ADGRL2: variants seen among roughly 807,000 people sequenced by gnomAD.
ADGRL2 encodes calcium-independent alpha-latrotoxin receptor 2.
In ADGRL2, 44 loss-of-function variants were observed where a neutral mutation model predicts 157.4. That is an observed-to-expected ratio of 0.28 (90% CI 0.22 to 0.36). The LOEUF (loss-of-function observed/expected upper bound fraction) is 0.36. ADGRL2 is among the 10% of genes least tolerant of loss of function. ADGRL2 has a pLI of 1.00. For missense variants in ADGRL2, 1,510 were observed against 1,768.9 expected (o/e 0.85, Z 2.63); for synonymous variants, 585 against 624.7 (o/e 0.94, Z 0.95).
chr1:81,990,951 C>T lies in ADGRL2; in HGVS notation c.4216C>T (p.Pro1406Ser). 1 of 1,614,062 alleles carries T rather than the reference C, an allele frequency of 6.2e-7. No homozygotes were observed. The highest frequency in any genetic ancestry group is 2.2e-5 in the East Asian group (1 of 44,858). ...SSPDMEEDLS[P>S]SRRSENEDIY... is the part of the protein sequence containing the mutation. ...CCCTGACATGGAAGAAGACCTCTCTCCCTCCAGGAGGAGTGAGAATGAGGA... is the reference window on the plus strand; with the variant it reads ...CCCTGACATGGAAGAAGACCTCTCTTCCTCCAGGAGGAGTGAGAATGAGGA... The change falls in exon 24 of 24, where the codon CCC (proline) becomes TCC (serine). Residue 1406 changes from proline (P) to serine (S), a missense_variant. Pro to Ser is a moderately conservative substitution (Grantham distance 74). Around this residue, in one of 4 missense-constraint regions of ADGRL2, gnomAD observed 327 missense variants for 310.1 expected, o/e 1.05. Transcript: ENST00000686636.
chr1:81,551,477 G>A (rs1187862480), intron 2 of ADGRL2, among the ~76,000 whole-genome samples: 1 of 152,162 alleles, frequency 6.6e-6, no homozygotes, highest in African/African-American at 2.4e-5. Flanking sequence ...TAAAAGCAAA[G>A]CAATGCATGT....
chr1:81,802,693 G>A (rs2088436078), intron 1 of ADGRL2, among the ~76,000 whole-genome samples: 1 of 152,108 alleles, frequency 6.6e-6, no homozygotes, highest in African/African-American at 2.4e-5. Flanking sequence ...TGGGGCCCGG[G>A]GCCACCCCAG....
intron 2 of ADGRL2, among the ~76,000 whole-genome samples, chr1:81,563,982 A>T (rs539190596): frequency 2.0e-5 from 3 of 152,324 alleles, no homozygotes; most frequent in African/African-American, 7.2e-5. Context: ...TCTTTTACAG[A>T]TGAGGAAATA....
chr1:81,546,736 G>A (rs563009318), intron 2 of ADGRL2, among the ~76,000 whole-genome samples: 54 of 152,206 alleles, frequency 3.5e-4, no homozygotes, highest in African/African-American at 1.1e-3. Flanking sequence ...TCAGATTTCC[G>A]GCCTCTCCAC....
At chr1:81,432,538 T>G (rs1364137889) in intron 1 of ADGRL2, among the ~76,000 whole-genome samples, 2 of 152,218 alleles carry the variant, frequency 1.3e-5, no homozygotes, top group African/African-American at 2.4e-5. Context: ...CAGAGGAGAA[T>G]AAATGATTGG....
intron 1 of ADGRL2, among the ~76,000 whole-genome samples, chr1:81,308,277 C>CTTCACAGACACTG (rs1659492025): frequency 6.6e-6 from 1 of 152,152 alleles, no homozygotes; most frequent in Admixed American, 6.5e-5. Flanking sequence ...TGAATATCTT[C>CTTCACAGACACTG]TTCACAGACA....
chr1:81,540,059 A>T (rs2079845035), intron 2 of ADGRL2, among the ~76,000 whole-genome samples: 1 of 152,194 alleles, frequency 6.6e-6, no homozygotes. Flanking sequence ...ACTAGCTTGG[A>T]GATCTCAGGC....
Position 81,598,402 on chromosome 1 carries a change from A to T in ADGRL2, c.-143+17422A>T, listed in dbSNP as rs1003269405. Among the ~76,000 whole-genome samples, 8 of 152,200 alleles carry T rather than the reference A, an allele frequency of 5.3e-5. No homozygotes were observed. In the East Asian group the frequency reaches 5.8e-4, roughly 11 times the overall value. ...AGAGAATATATTAAGCGTGAAAAAA[A>T]TATTCTTTCTAAAGTTCTTACAATA... is the stretch of plus-strand genomic sequence containing the variant. On this transcript the variant is annotated intron_variant, in intron 3 of 24. Transcript: ENST00000370721.
intron 1 of ADGRL2, among the ~76,000 whole-genome samples, chr1:81,724,059 C>G (rs2084427591): frequency 6.6e-6 from 1 of 152,030 alleles, no homozygotes; most frequent in Non-Finnish European, 1.5e-5. Flanking sequence ...CAGGCTTTTT[C>G]CACCAGCATC....
intron 2 of ADGRL2, among the ~76,000 whole-genome samples, chr1:81,863,131 C>T (rs1228717898): frequency 6.6e-6 from 1 of 152,058 alleles, no homozygotes; most frequent in African/African-American, 2.4e-5. Context: ...GATTAATAGC[C>T]GGTGCTAGCT....
chr1:81,515,634 TG>T (rs1291297892), intron 2 of ADGRL2, among the ~76,000 whole-genome samples: 2 of 152,332 alleles, frequency 1.3e-5, no homozygotes, highest in East Asian at 3.9e-4. Flanking sequence ...ACAAAAATGA[TG>T]TATGTTTATT....
At chr1:81,553,293 G>A (rs2080195033) in intron 2 of ADGRL2, among the ~76,000 whole-genome samples, 1 of 152,062 alleles carries the variant, frequency 6.6e-6, no homozygotes, top group South Asian at 2.1e-4. Flanking sequence ...TTTGCAAAGG[G>A]CATTATTTAC....
intron 2 of ADGRL2, among the ~76,000 whole-genome samples, chr1:81,561,468 T>G (rs1015236974): frequency 1.3e-5 from 2 of 149,936 alleles, no homozygotes; most frequent in Non-Finnish European, 3.0e-5. Context: ...TTGTTTTTGT[T>G]TTTTTTTTTT....
intron 1 of ADGRL2, among the ~76,000 whole-genome samples, chr1:81,750,000 A>G (rs1199911230): frequency 6.6e-6 from 1 of 152,252 alleles, no homozygotes; most frequent in African/African-American, 2.4e-5. Flanking sequence ...GTAGGCACTC[A>G]ATAAATATTT....
intron 1 of ADGRL2, among the ~76,000 whole-genome samples, chr1:81,376,878 A>T (rs1452465418): frequency 1.3e-5 from 2 of 152,126 alleles, no homozygotes; most frequent in Non-Finnish European, 2.9e-5. Context: ...TAAATTCATG[A>T]CTTTTTGTAT....
At chr1:81,754,588 TC>T in intron 1 of ADGRL2, among the ~76,000 whole-genome samples, 1 of 139,732 alleles carries the variant, frequency 7.2e-6, no homozygotes, top group African/African-American at 2.8e-5. Flanking sequence ...TCTCTTTCTT[TC>T]TTTTCTTTTC....
At chr1:81,449,777 G>A (rs2077672099) in intron 2 of ADGRL2, among the ~76,000 whole-genome samples, 1 of 151,902 alleles carries the variant, frequency 6.6e-6, no homozygotes, top group Admixed American at 6.6e-5. Context: ...TTTGTGTAGA[G>A]ACAAGGTTTC....
At chr1:81,870,900 G>A (rs2093672996) in intron 2 of ADGRL2, among the ~76,000 whole-genome samples, 1 of 144,692 alleles carries the variant, frequency 6.9e-6, no homozygotes, top group Admixed American at 6.8e-5. Context: ...ATTTGTAGAT[G>A]TTAATCTTTC....
intron 2 of ADGRL2, among the ~76,000 whole-genome samples, chr1:81,446,296 T>C (rs781543911): frequency 3.3e-5 from 5 of 151,908 alleles, no homozygotes; most frequent in Non-Finnish European, 7.4e-5. Context: ...CATGCAAACA[T>C]CAATTGGCAT....
Sources: gnomAD v4.1 joint callset for allele counts (sites outside exome capture counted in the v4.1 genomes callset) on GRCh38, gnomAD v4.1.1 for gene constraint, gnomAD v4.1.1 regional missense constraint, MANE v1.5 for transcripts, NCBI Gene and HGNC (gene_info 2026-07-23, HGNC 2026-07-21) for gene names.